Variants in MYO16 observed in about 807,000 individuals in gnomAD.
The protein encoded by MYO16 is unconventional myosin-XVI.
Under a neutral mutation model 205.3 loss-of-function variants are expected in MYO16, and 94 were observed. That is an observed-to-expected ratio of 0.46 (90% CI 0.39 to 0.54). The LOEUF is 0.54. Ranked by LOEUF, MYO16 falls within the 20% of genes least tolerant of loss-of-function variation. The pLI is 0.00. For missense variants in MYO16, 2,315 were observed against 2,387.5 expected (o/e 0.97, Z 0.63); for synonymous variants, 988 against 954.0 (o/e 1.04, Z -0.66).
chr13:109,055,329 C>A lies in MYO16; in HGVS notation c.3130-61C>A. On this transcript the variant is annotated intron_variant, in intron 26 of 34. Transcript: ENST00000457511. This position sits in a 1 kb window ranked among gnomAD's most constrained non-coding sequence, Gnocchi z 5.0. ...GTAAAGACTTTTTATTTAAAAACTGCTTTATATTTTTAGCTAGTGTCTCCT... is the reference window on the plus strand; with the variant it reads ...GTAAAGACTTTTTATTTAAAAACTGATTTATATTTTTAGCTAGTGTCTCCT... The A allele has an allele frequency of 1.5e-6, 2 of 1,371,340 alleles. No individual in the cohort carries two copies. The highest frequency in any genetic ancestry group is 2.5e-5 in the South Asian group (2 of 78,580). The allele number at this position is 1,371,340 out of a possible 1,614,324, so 84.9% of individuals were successfully genotyped here. A position where few individuals can be genotyped will look rare whatever the true frequency, so the allele number is the denominator to read the frequency against.
intron 33 of MYO16, among the ~76,000 whole-genome samples, chr13:109,173,390 G>T (rs1878997772): frequency 6.6e-6 from 1 of 152,194 alleles, no homozygotes; most frequent in Non-Finnish European, 1.5e-5. Context: ...AGATGAGTCT[G>T]GTGGGCTGGG....
intron 23 of MYO16, 43 bp downstream of exon 23, chr13:109,019,954 T>G: frequency 6.3e-7 from 1 of 1,578,096 alleles, no homozygotes; most frequent in Non-Finnish European, 8.7e-7. Context: ...GCACTAATGA[T>G]CAAAGGTCCT....
intron 7 of MYO16, among the ~76,000 whole-genome samples, chr13:108,808,040 C>G (rs1887167487): frequency 6.6e-6 from 1 of 152,002 alleles, no homozygotes; most frequent in Non-Finnish European, 1.5e-5. Flanking sequence ...TAAGGAGAAT[C>G]TAGATATTTA....
At chr13:109,121,374 G>A (rs910806723) in intron 29 of MYO16, among the ~76,000 whole-genome samples, 2 of 152,182 alleles carry the variant, frequency 1.3e-5, no homozygotes, top group African/African-American at 4.8e-5. Flanking sequence ...CAGGTGTTCT[G>A]ATGACACAGG....
At chr13:108,905,751 C>T (rs1387542515) in intron 15 of MYO16, among the ~76,000 whole-genome samples, 7 of 134,612 alleles carry the variant, frequency 5.2e-5, no homozygotes, top group Admixed American at 1.6e-4. Flanking sequence ...CCTTTTCTTA[C>T]ACTTTCCTCA....
the MYO16 span, among the ~76,000 whole-genome samples, chr13:108,516,065 C>A: frequency 4.0e-3 from 589 of 146,724 alleles, 3 homozygotes; most frequent in African/African-American, 0.013. Flanking sequence ...GCGGGCGCCC[C>A]TCCCCCAGCC....
At chr13:108,838,382 C>T (rs573746436) in intron 9 of MYO16, among the ~76,000 whole-genome samples, 2 of 151,908 alleles carry the variant, frequency 1.3e-5, no homozygotes, top group South Asian at 2.1e-4. Context: ...AGGCCATGAA[C>T]GGTGGCTTAC....
intron 2 of MYO16, among the ~76,000 whole-genome samples, chr13:108,704,428 C>T (rs969096959): frequency 2.6e-5 from 4 of 152,110 alleles, no homozygotes; most frequent in Non-Finnish European, 2.9e-5. Context: ...TGCAGCACAC[C>T]AACATGGCAC....
intron 27 of MYO16, among the ~76,000 whole-genome samples, chr13:109,097,830 G>C (rs1435028829): frequency 2.0e-5 from 3 of 152,270 alleles, no homozygotes; most frequent in South Asian, 2.1e-4. Flanking sequence ...GAGAAGAAAG[G>C]GTGGTTGCTG....
At chr13:108,600,740 A>G (rs1462478297) in intron 1 of MYO16, among the ~76,000 whole-genome samples, 1 of 152,094 alleles carries the variant, frequency 6.6e-6, no homozygotes, top group Non-Finnish European at 1.5e-5. Flanking sequence ...CAAGAACACT[A>G]TTTTTTCTTT....
chr13:108,822,234 A>T (rs530552014), intron 8 of MYO16, among the ~76,000 whole-genome samples: 1 of 152,322 alleles, frequency 6.6e-6, no homozygotes, highest in East Asian at 1.9e-4. Context: ...TAATCTCCCA[A>T]AGTAAGAAAG....
intron 16 of MYO16, 24 bp from the exon 17 acceptor site, chr13:108,957,664 G>A (rs756518975): frequency 1.9e-5 from 30 of 1,540,758 alleles, no homozygotes; most frequent in Admixed American, 6.7e-5. Context: ...AGGCGATAAC[G>A]TTACGTGCCT....
At chr13:108,850,635 A>G (rs1269991834) in intron 10 of MYO16, among the ~76,000 whole-genome samples, 2 of 152,128 alleles carry the variant, frequency 1.3e-5, no homozygotes, top group African/African-American at 4.8e-5. Flanking sequence ...TCACAGACAT[A>G]TTTTTTACTT....
At position 109,201,491 on chromosome 13, in the gene MYO16, C is replaced by CAAAAAAAAAAAAAAAAA. The variant is rs3042152; in HGVS notation, c.5416-5113_5416-5097dup. The CAAAAAAAAAAAAAAAAA allele has an allele frequency of 5.1e-5, 5 of 97,362 alleles. 1 individual carries two copies. The highest frequency in any genetic ancestry group is 2.0e-4 in the African/African-American group (5 of 24,774). The allele number at this position is 97,362 out of a possible 1,614,324, so 6.0% of individuals were successfully genotyped here. On this transcript the variant is annotated intron_variant, in intron 34 of 34. Transcript: ENST00000457511. ...TTCCATCTGGAATCATCGTCTTCTA[C>CAAAAAAAAAAAAAAAAA]AAAAAAAAAAAAAAAAAAAAATCTT...
chr13:109,093,254 A>G (rs1888675113), intron 27 of MYO16, among the ~76,000 whole-genome samples: 1 of 152,216 alleles, frequency 6.6e-6, no homozygotes. Context: ...TCACAAGAAA[A>G]GTGAGGCAAA....
intron 1 of MYO16, among the ~76,000 whole-genome samples, chr13:108,651,857 A>G (rs1169934942): frequency 6.6e-6 from 1 of 152,168 alleles, no homozygotes; most frequent in South Asian, 2.1e-4. Context: ...TCTTTCAACT[A>G]TTTATTGCTC....
intron 27 of MYO16, among the ~76,000 whole-genome samples, chr13:109,077,695 G>A (rs1594064175): frequency 6.6e-6 from 1 of 152,184 alleles, no homozygotes; most frequent in Admixed American, 6.5e-5. Context: ...TCCGTACACA[G>A]TATGTCTTTA....
chr13:108,536,197 T>A, the MYO16 span, among the ~76,000 whole-genome samples: 406 of 152,320 alleles, frequency 2.7e-3, 3 homozygotes, highest in African/African-American at 9.0e-3. Context: ...CAGCCTTAAC[T>A]GAGTCACTTG....
At chr13:109,175,670 T>C (rs1879137557) in intron 33 of MYO16, among the ~76,000 whole-genome samples, 1 of 152,154 alleles carries the variant, frequency 6.6e-6, no homozygotes, top group African/African-American at 2.4e-5. Flanking sequence ...TGGGAATTGT[T>C]AACTCCAAGC....
Sources: gnomAD v4.1 joint callset for allele counts (sites outside exome capture counted in the v4.1 genomes callset) on GRCh38, gnomAD v4.1.1 for gene constraint, Gnocchi (gnomAD v3.1) non-coding constraint, MANE v1.5 for transcripts, NCBI Gene and HGNC (gene_info 2026-07-23, HGNC 2026-07-21) for gene names.